CENPI: variants seen among roughly 807,000 people sequenced by gnomAD.
The protein encoded by CENPI is centromere protein I.
Under a neutral mutation model 60.4 loss-of-function variants are expected in CENPI, and 4 were observed. The ratio of observed to expected loss-of-function variants is 0.07; its 90% CI spans 0.03 to 0.15. CENPI has a LOEUF of 0.15. CENPI is among the 10% of genes least tolerant of loss of function. The pLI, the probability that CENPI is intolerant of heterozygous loss-of-function variation, is 1.00. For synonymous variants in CENPI, 157 were observed against 189.4 expected, an observed-to-expected ratio of 0.83 and a Z score of 1.40; for missense variants, 444 against 534.5, an observed-to-expected ratio of 0.83 and a Z score of 1.67.
intron 6 of CENPI, among the ~76,000 whole-genome samples, 196 bp downstream of exon 6, chrX:101,110,194 C>T (rs943504814): frequency 3.6e-5 from 4 of 112,207 alleles, no homozygotes; most frequent in Admixed American, 2.9e-4. Context: ...TTCTATTTTG[C>T]ACCTGTCTCT....
intron 20 of CENPI, among the ~76,000 whole-genome samples, chrX:101,159,578 C>T (rs1041622960): frequency 9.0e-6 from 1 of 110,882 alleles, no homozygotes; most frequent in African/African-American, 3.3e-5. Flanking sequence ...CCTGCCTCAG[C>T]CTCCCAAGTA....
At chrX:101,107,934 T>TA (rs1309413468) in intron 4 of CENPI, among the ~76,000 whole-genome samples, 22 of 107,516 alleles carry the variant, frequency 2.0e-4, no homozygotes, top group African/African-American at 7.5e-4. Flanking sequence ...GTATTTTTTT[T>TA]ATTAGAGATG....
At chrX:101,171,968 AATG>A in the CENPI span, among the ~76,000 whole-genome samples, 1 of 112,226 alleles carries the variant, frequency 8.9e-6, no homozygotes, top group African/African-American at 3.2e-5. Context: ...ATAAATAAAT[AATG>A]ATGACCCAAT....
chrX:101,121,497 C>T (rs1349650091), intron 8 of CENPI, among the ~76,000 whole-genome samples: 1 of 109,826 alleles, frequency 9.1e-6, no homozygotes, highest in African/African-American at 3.3e-5. Flanking sequence ...TCATGTTGGC[C>T]AGGCTGGTCT....
chrX:101,144,638 C>T (rs979389401), intron 16 of CENPI, among the ~76,000 whole-genome samples: 4 of 111,118 alleles, frequency 3.6e-5, no homozygotes. Flanking sequence ...CGACCTTCGC[C>T]TCCCTAAGTG....
At chrX:101,139,923 C>T (rs1394529609) in intron 15 of CENPI, among the ~76,000 whole-genome samples, 4 of 107,694 alleles carry the variant, frequency 3.7e-5, no homozygotes, top group Non-Finnish European at 7.6e-5. Context: ...CAAGCTCCTT[C>T]TCCTGGGTTC....
chrX:101,161,672 C>T (rs1048225221), intron 21 of CENPI, 103 bp downstream of exon 21: 1 of 717,220 alleles, frequency 1.4e-6, no homozygotes, highest in Admixed American at 3.0e-5. Context: ...CCTGCTGCCT[C>T]CACAAAGTCA....
In CENPI at chrX:101,163,238, G is replaced by C. The variant is rs2090126217; in HGVS notation, c.*271G>C. ...AAATTGTATGTAAAAAGACACATCT[G>C]TTTTGTGGTAGGATTTTTTCACATT... is the stretch of plus-strand genomic sequence containing the variant. On this transcript the variant is annotated 3_prime_UTR_variant, in exon 22 of 22. Transcript: ENST00000682095. 7.9e-6 allele frequency: 2 copies of C among 252,963 alleles called. No individual in the cohort carries two copies. The highest frequency in any genetic ancestry group is 2.9e-5 in the African/African-American group (1 of 34,128). 20.8% of individuals were successfully genotyped at this position (252,963 alleles called of 1,213,427 possible).
the CENPI span, among the ~76,000 whole-genome samples, chrX:101,174,558 C>T: frequency 1.8e-5 from 2 of 110,848 alleles, no homozygotes; most frequent in African/African-American, 6.6e-5. Context: ...CAAATTAATG[C>T]AGGAACAGAA....
At chrX:101,181,265 T>G in the CENPI span, among the ~76,000 whole-genome samples, 575 of 111,970 alleles carry the variant, frequency 5.1e-3, 4 homozygotes, top group African/African-American at 0.017. Flanking sequence ...TTATTCTTCT[T>G]CAATATTGCC....
At chrX:101,174,963 C>T in the CENPI span, among the ~76,000 whole-genome samples, 1 of 110,696 alleles carries the variant, frequency 9.0e-6, no homozygotes, top group South Asian at 3.9e-4. Context: ...CAAAGTTAGC[C>T]GGGCATGGTG....
At chrX:101,099,860 T>C (rs2089393199) in intron 2 of CENPI, 1 of 104,367 alleles carries the variant, frequency 9.6e-6, no homozygotes, top group African/African-American at 3.5e-5. Context: ...CAATCACGGC[T>C]CTCTGCAGCC....
intron 6 of CENPI, among the ~76,000 whole-genome samples, chrX:101,115,045 C>T (rs778464395): frequency 3.6e-5 from 4 of 109,945 alleles, no homozygotes; most frequent in African/African-American, 6.6e-5. Context: ...CTCACTGCAA[C>T]GTCCACCTCC....
intron 4 of CENPI, among the ~76,000 whole-genome samples, chrX:101,108,590 C>T (rs183359193): frequency 9.0e-6 from 1 of 111,161 alleles, no homozygotes; most frequent in Non-Finnish European, 1.9e-5. Context: ...AAGAAGAAAC[C>T]CTGTACTCAT....
At chrX:101,116,572 A>G (rs184421837) in intron 6 of CENPI, among the ~76,000 whole-genome samples, 225 of 111,908 alleles carry the variant, frequency 2.0e-3, no homozygotes, top group Middle Eastern at 0.014. Flanking sequence ...TTGTTTATCC[A>G]TTCATCTGAT....
chrX:101,102,165 C>T (rs908074787), intron 3 of CENPI, 109 bp from the exon 4 acceptor site: 2 of 580,996 alleles, frequency 3.4e-6, no homozygotes, highest in Non-Finnish European at 2.5e-6. Flanking sequence ...TGGGTCACCA[C>T]GCCTGGTTAT....
intron 15 of CENPI, among the ~76,000 whole-genome samples, chrX:101,134,076 C>T (rs949955808): frequency 4.5e-5 from 5 of 111,402 alleles, no homozygotes; most frequent in African/African-American, 1.3e-4. Flanking sequence ...ATGAGAGAAA[C>T]GTGAGTGTGT....
At chrX:101,115,321 C>T (rs1317133078) in intron 6 of CENPI, among the ~76,000 whole-genome samples, 46 of 106,226 alleles carry the variant, frequency 4.3e-4, no homozygotes, top group African/African-American at 1.6e-3. Flanking sequence ...GGGTCTCACT[C>T]TTGTGCAGGC....
At chrX:101,100,969 T>A in intron 2 of CENPI, 89 bp from the exon 3 acceptor site, 1 of 568,151 alleles carries the variant, frequency 1.8e-6, no homozygotes, top group Non-Finnish European at 2.9e-6. Context: ...AGCTATTGTA[T>A]ACTAAATACT....
Sources: gnomAD v4.1 joint callset for allele counts (sites outside exome capture counted in the v4.1 genomes callset) on GRCh38, gnomAD v4.1.1 for gene constraint, MANE v1.5 for transcripts, NCBI Gene and HGNC (gene_info 2026-07-23, HGNC 2026-07-21) for gene names.